Variants in RBFOX1 observed in about 807,000 individuals in gnomAD.
RBFOX1 encodes the protein RNA binding fox-1 homolog 1.
RBFOX1 carries 8 observed loss-of-function variants against 57.7 expected under a neutral mutation model. The ratio of observed to expected loss-of-function variants is 0.14; its 90% confidence interval spans 0.08 to 0.25. The LOEUF is 0.25. RBFOX1 is among the 10% of genes least tolerant of loss of function. RBFOX1 has a pLI of 1.00. For synonymous variants in RBFOX1, 326 were observed against 222.4 expected, an observed-to-expected ratio of 1.47 and a Z score of -4.15; for missense variants, 611 against 548.5, an observed-to-expected ratio of 1.11 and a Z score of -1.14.
chr16:6,530,633 C>T (rs1359962344), intron 2 of RBFOX1, among the ~76,000 whole-genome samples: 1 of 152,056 alleles, frequency 6.6e-6, no homozygotes, highest in Non-Finnish European at 1.5e-5. Context: ...TTCACAATTC[C>T]ACATGGCTGG....
chr16:6,992,128 G>A (rs1319641924), intron 3 of RBFOX1, among the ~76,000 whole-genome samples: 1 of 151,822 alleles, frequency 6.6e-6, no homozygotes, highest in Non-Finnish European at 1.5e-5. Context: ...TTCCTTTCCA[G>A]TCTGTGTAGG....
At chr16:5,856,861 C>T (rs2057085226) in intron 3 of RBFOX1, among the ~76,000 whole-genome samples, 1 of 151,734 alleles carries the variant, frequency 6.6e-6, no homozygotes, top group African/African-American at 2.4e-5. Flanking sequence ...ACCACTGAAA[C>T]TTTGTCCATA....
intron 3 of RBFOX1, among the ~76,000 whole-genome samples, chr16:7,004,345 C>A (rs994730566): frequency 6.6e-6 from 1 of 152,130 alleles, no homozygotes; most frequent in Non-Finnish European, 1.5e-5. Context: ...TCCTCAACAT[C>A]AGGGTAAAAG....
chr16:5,618,781 G>T (rs1282555492), intron 3 of RBFOX1, among the ~76,000 whole-genome samples: 2 of 152,226 alleles, frequency 1.3e-5, no homozygotes, highest in Non-Finnish European at 2.9e-5. Flanking sequence ...GTTAGTTTCT[G>T]TTGGAGAGTT....
chr16:6,914,143 C>T (rs192066660), intron 3 of RBFOX1, among the ~76,000 whole-genome samples: 14 of 152,282 alleles, frequency 9.2e-5, no homozygotes, highest in East Asian at 1.9e-4. Context: ...GAAGGAAATA[C>T]GAACATAATG....
chr16:7,165,286 C>T (rs1035533791), intron 4 of RBFOX1, among the ~76,000 whole-genome samples: 10 of 151,712 alleles, frequency 6.6e-5, no homozygotes, highest in African/African-American at 2.4e-4. Flanking sequence ...GAGAGGGTGA[C>T]ACACCTTGCT....
intron 3 of RBFOX1, among the ~76,000 whole-genome samples, chr16:6,690,378 G>A (rs1257565144): frequency 2.0e-5 from 3 of 151,916 alleles, no homozygotes; most frequent in South Asian, 2.1e-4. Flanking sequence ...AGATCCATTC[G>A]TGACAAAAAT....
intron 4 of RBFOX1, among the ~76,000 whole-genome samples, chr16:7,265,657 C>G (rs943015953): frequency 3.3e-5 from 5 of 152,102 alleles, no homozygotes; most frequent in Admixed American, 6.5e-5. Flanking sequence ...CCATATTGGC[C>G]AGGCCGGTCT....
At chr16:7,530,392 G>T (rs1053074460) in intron 5 of RBFOX1, among the ~76,000 whole-genome samples, 1 of 151,968 alleles carries the variant, frequency 6.6e-6, no homozygotes, top group Non-Finnish European at 1.5e-5. Flanking sequence ...TTAGAAGCAC[G>T]CTGAGCTGTA....
intron 3 of RBFOX1, among the ~76,000 whole-genome samples, chr16:6,930,153 G>C (rs1473360574): frequency 1.3e-5 from 2 of 152,168 alleles, no homozygotes; most frequent in African/African-American, 2.4e-5. Context: ...GGGAAATAAA[G>C]AGAAGAGAGA....
chr16:6,087,133 T>G (rs747689953), intron 1 of RBFOX1, among the ~76,000 whole-genome samples: 5 of 152,170 alleles, frequency 3.3e-5, no homozygotes, highest in Admixed American at 6.5e-5. Flanking sequence ...GATGATGAGA[T>G]GAAAAGTTAG....
chr16:6,399,530 C>T, intron 2 of RBFOX1, among the ~76,000 whole-genome samples: 1 of 152,160 alleles, frequency 6.6e-6, no homozygotes, highest in Non-Finnish European at 1.5e-5. Context: ...GCCAGGACTT[C>T]ATTGTCCATT....
intron 1 of RBFOX1, among the ~76,000 whole-genome samples, chr16:5,352,602 T>C (rs1469632269): frequency 6.6e-6 from 1 of 152,178 alleles, no homozygotes; most frequent in Non-Finnish European, 1.5e-5. Flanking sequence ...ACACATTCTC[T>C]TACATGACCA....
intron 4 of RBFOX1, among the ~76,000 whole-genome samples, chr16:7,156,097 C>A (rs901519383): frequency 6.6e-6 from 1 of 151,880 alleles, no homozygotes; most frequent in African/African-American, 2.4e-5. Flanking sequence ...GTCTCAAACT[C>A]CTGGGCTTAA....
intron 1 of RBFOX1, among the ~76,000 whole-genome samples, chr16:5,313,864 T>G (rs2064158719): frequency 6.6e-6 from 1 of 152,052 alleles, no homozygotes; most frequent in Admixed American, 6.6e-5. Context: ...AGCCAAACCA[T>G]TTCAAAGACT....
intron 4 of RBFOX1, among the ~76,000 whole-genome samples, chr16:7,369,269 G>C (rs1156572469): frequency 6.6e-6 from 1 of 151,968 alleles, no homozygotes; most frequent in Admixed American, 6.6e-5. Flanking sequence ...TGCAGCTCTC[G>C]GGGGCTGACC....
At chr16:6,624,091 C>G (rs975491137) in intron 2 of RBFOX1, among the ~76,000 whole-genome samples, 1 of 152,018 alleles carries the variant, frequency 6.6e-6, no homozygotes, top group African/African-American at 2.4e-5. Flanking sequence ...TTCACAACTA[C>G]GTACCACAGA....
Position 6,956,511 on chromosome 16 carries a change from C to G in RBFOX1, c.-15-95546C>G, listed in dbSNP as rs75222419. 2.6e-5 allele frequency among the ~76,000 whole-genome samples: 4 copies of G among 152,172 alleles called. No individual in the cohort carries two copies. In the East Asian group the frequency reaches 7.7e-4, roughly 29 times the overall value. The stretch of plus-strand genomic sequence containing the variant: ...TTGAAGATTTTAATTTCAGAGTAAA[C>G]CTGGAGTGGGGAAGGAGAATTGAAA... On this transcript the variant is annotated intron_variant, in intron 3 of 15. Transcript: ENST00000550418.
At chr16:6,392,970 T>C (rs1020208545) in intron 2 of RBFOX1, among the ~76,000 whole-genome samples, 1 of 152,202 alleles carries the variant, frequency 6.6e-6, no homozygotes, top group Non-Finnish European at 1.5e-5. Context: ...TAATTGCTTG[T>C]TTCAAGATGC....
Sources: gnomAD v4.1 joint callset for allele counts (sites outside exome capture counted in the v4.1 genomes callset) on GRCh38, gnomAD v4.1.1 for gene constraint, MANE v1.5 for transcripts, NCBI Gene and HGNC (gene_info 2026-07-23, HGNC 2026-07-21) for gene names.